The following DAPP1 variants were observed in gnomAD, a reference collection of about 807,000 sequenced individuals.
DAPP1 encodes the protein dual adaptor of phosphotyrosine and 3-phosphoinositides 1.
Under a neutral mutation model 41.5 loss-of-function variants are expected in DAPP1, and 20 were observed. That is an observed-to-expected ratio of 0.48 (90% CI 0.34 to 0.70). DAPP1 has a LOEUF of 0.70. Ranked by LOEUF, DAPP1 falls within the 30% of genes least tolerant of loss-of-function variation. The pLI is 0.01. For missense variants in DAPP1, 233 were observed against 333.4 expected (o/e 0.70, Z 2.35); for synonymous variants, 113 against 116.2 (o/e 0.97, Z 0.18).
intron 3 of DAPP1, among the ~76,000 whole-genome samples, chr4:99,847,792 G>A (rs1723715448): frequency 7.1e-6 from 1 of 140,134 alleles, no homozygotes; most frequent in African/African-American, 2.9e-5. Context: ...GGTAGCGACA[G>A]TAGATAAGTT....
At chr4:99,871,048 C>A (rs1348249721), downstream of DAPP1, among the ~76,000 whole-genome samples, 1 of 152,170 alleles carries the variant, frequency 6.6e-6, no homozygotes, top group African/African-American at 2.4e-5. Flanking sequence ...ACCTGGACAT[C>A]AGAGAACTCG....
intron 2 of DAPP1, among the ~76,000 whole-genome samples, chr4:99,838,875 T>C (rs1445441308): frequency 6.6e-6 from 1 of 152,226 alleles, no homozygotes; most frequent in Non-Finnish European, 1.5e-5. Flanking sequence ...GATAAGTGTT[T>C]AGGTGGTTCA....
rs1723277032 is a variant in DAPP1 at position 99,835,714 on chromosome 4, G to A, written c.193G>A (p.Glu65Lys). 1 of 1,613,848 alleles carries A rather than the reference G, an allele frequency of 6.2e-7. No individual in the cohort carries two copies. ...DGSYLLRDSN[E>K]TTGLYSLSVR... Reference sequence around the variant, plus strand: ...CAGCTACCTTCTGAGGGACAGCAATGAGACCACCGGGCTGTACTCTCTCTC... The same window carrying A: ...CAGCTACCTTCTGAGGGACAGCAATAAGACCACCGGGCTGTACTCTCTCTC... The change falls in exon 2 of 9, where the codon GAG becomes AAG. Residue 65 changes from glutamate (E) to lysine (K), a missense_variant. By Grantham distance (56) the Glu-to-Lys change is moderately conservative. Transcript: ENST00000512369.
chr4:99,848,102 C>T (rs750542821), intron 3 of DAPP1, among the ~76,000 whole-genome samples: 56 of 151,938 alleles, frequency 3.7e-4, no homozygotes, highest in Non-Finnish European at 5.3e-4. Flanking sequence ...TGAGCCACCG[C>T]GCCCGGCTGA....
Position 99,841,334 on chromosome 4 carries a change from C to T in DAPP1, c.358+912C>T, listed in dbSNP as rs566699759. Among the ~76,000 whole-genome samples the T allele has an allele frequency of 1.2e-3, 184 of 152,294 alleles. 1 individual carries two copies. Among genetic ancestry groups the T allele is most frequent in the African/African-American group, 4.3e-3 (178 of 41,556 alleles). The stretch of plus-strand genomic sequence containing the variant: ...GCTATTTATGTGGTGTGGGTAGTCC[C>T]TGATGTGACTCACACAGTGTCTAGT... On this transcript the variant is annotated intron_variant, in intron 3 of 8. Coordinates refer to ENST00000512369, the MANE Select transcript of DAPP1 (RefSeq NM_014395.3).
intron 4 of DAPP1, among the ~76,000 whole-genome samples, chr4:99,858,177 G>A (rs573716335): frequency 1.8e-4 from 28 of 152,290 alleles, no homozygotes; most frequent in South Asian, 4.1e-4. Context: ...AGTAAGTTCC[G>A]TCAGAGTAAA....
In DAPP1 at chr4:99,835,610, C is replaced by T; in HGVS notation, c.102-13C>T. ...GTTTGGCCTGAGTGAAAGCGCTGTT[C>T]CCTCCTTTCTAGGTGGTATCACGGC... On this transcript the variant is annotated splice_polypyrimidine_tract_variant and intron_variant, in intron 1 of 8. Transcript: ENST00000512369. The T allele has an allele frequency of 1.9e-6, 3 of 1,611,670 alleles. 1 individual carries two copies. The highest frequency in any genetic ancestry group is 2.2e-5 in the South Asian group (2 of 90,980).
intron 3 of DAPP1, among the ~76,000 whole-genome samples, chr4:99,851,275 G>T (rs1480311972): frequency 6.6e-6 from 1 of 152,186 alleles, no homozygotes; most frequent in Non-Finnish European, 1.5e-5. Flanking sequence ...GCAAGAATGG[G>T]ACGGTTCTGA....
At chr4:99,848,495 C>T (rs548043704) in intron 3 of DAPP1, among the ~76,000 whole-genome samples, 23 of 152,118 alleles carry the variant, frequency 1.5e-4, no homozygotes, top group African/African-American at 5.1e-4. Context: ...TCCCAAAGTG[C>T]TGGGATTACA....
intron 3 of DAPP1, among the ~76,000 whole-genome samples, chr4:99,849,470 G>A (rs6849413): frequency 0.036 from 5,509 of 152,172 alleles, 325 homozygotes; most frequent in African/African-American, 0.12. Flanking sequence ...TGATAGGTGC[G>A]CTGAAGAGGC....
intron 7 of DAPP1, chr4:99,865,181 A>C (rs1312772211): frequency 1.3e-5 from 2 of 152,202 alleles, no homozygotes; most frequent in East Asian, 3.9e-4. Context: ...TGCTGGTATC[A>C]ACAAAATACA....
At chr4:99,818,140 C>T (rs1052020298) in intron 1 of DAPP1, among the ~76,000 whole-genome samples, 11 of 152,226 alleles carry the variant, frequency 7.2e-5, no homozygotes, top group Admixed American at 1.3e-4. Context: ...ACTGAGGTCT[C>T]GGAATTGAAC....
chr4:99,833,500 G>A (rs527853585), intron 1 of DAPP1, among the ~76,000 whole-genome samples: 4 of 152,186 alleles, frequency 2.6e-5, no homozygotes, highest in East Asian at 1.9e-4. Context: ...TTATTACTCA[G>A]GCTAAAAGTT....
intron 1 of DAPP1, among the ~76,000 whole-genome samples, chr4:99,833,551 T>A (rs770763762): frequency 3.3e-5 from 5 of 152,218 alleles, no homozygotes. Context: ...GTGTGGTTCA[T>A]GACAACAAGA....
At chr4:99,858,270 C>A (rs1724116727) in intron 4 of DAPP1, among the ~76,000 whole-genome samples, 1 of 152,192 alleles carries the variant, frequency 6.6e-6, no homozygotes, top group African/African-American at 2.4e-5. Context: ...CTCAGTTTTT[C>A]CTTAATTTCG....
At chr4:99,848,262 C>T (rs1371499906) in intron 3 of DAPP1, among the ~76,000 whole-genome samples, 1 of 148,106 alleles carries the variant, frequency 6.8e-6, no homozygotes, top group East Asian at 2.0e-4. Flanking sequence ...GGGTCTCACT[C>T]TGTTGCCCAG....
chr4:99,865,053 G>C (rs1411248110), intron 7 of DAPP1: 1 of 152,156 alleles, frequency 6.6e-6, no homozygotes, highest in Non-Finnish European at 1.5e-5. Flanking sequence ...ACCAGTTTTC[G>C]AGTATATGCA....
chr4:99,857,508 T>C (rs763416090), intron 4 of DAPP1, among the ~76,000 whole-genome samples: 2 of 152,180 alleles, frequency 1.3e-5, no homozygotes, highest in Non-Finnish European at 2.9e-5. Flanking sequence ...AAATTCTGTT[T>C]CCTTAGCTTT....
At chr4:99,842,028 C>A (rs1280643479) in intron 3 of DAPP1, among the ~76,000 whole-genome samples, 1 of 152,214 alleles carries the variant, frequency 6.6e-6, no homozygotes, top group Non-Finnish European at 1.5e-5. Flanking sequence ...TGGCAGATTT[C>A]AAAACATTTA....
Sources: allele counts gnomAD v4.1 joint callset (sites outside exome capture counted in the v4.1 genomes callset), GRCh38; gene constraint gnomAD v4.1.1; transcripts MANE v1.5; gene names NCBI Gene and HGNC (gene_info 2026-07-23, HGNC 2026-07-21).